IMMP1L: variants seen among roughly 807,000 people sequenced by gnomAD.
The protein encoded by IMMP1L is mitochondrial inner membrane protease subunit 1.
IMMP1L carries 24 observed loss-of-function variants against 21.8 expected under a neutral mutation model. That is an observed-to-expected ratio of 1.10 (90% CI 0.80 to 1.55). The LOEUF (loss-of-function observed/expected upper bound fraction) is 1.55, where lower values mean the gene tolerates loss of function less well. IMMP1L is among the 40% of genes most tolerant of loss of function. IMMP1L has a pLI of 0.00. For missense variants in IMMP1L, 195 were observed against 200.7 expected (o/e 0.97, Z 0.17); for synonymous variants, 46 against 62.8 (o/e 0.73, Z 1.26).
intron 4 of IMMP1L, among the ~76,000 whole-genome samples, chr11:31,436,175 ATTT>A (rs1213393081): frequency 6.6e-6 from 1 of 151,744 alleles, no homozygotes; most frequent in Non-Finnish European, 1.5e-5. Context: ...TTCCCAATCT[ATTT>A]TTTGTCTTTT....
At chr11:31,487,524 C>G (rs1229769677) in intron 1 of IMMP1L, among the ~76,000 whole-genome samples, 5 of 152,070 alleles carry the variant, frequency 3.3e-5, no homozygotes, top group Non-Finnish European at 7.4e-5. Flanking sequence ...ACATGAAGGT[C>G]CATGATAGGC....
chr11:31,437,052 T>C (rs536532132), intron 4 of IMMP1L: 4 of 363,210 alleles, frequency 1.1e-5, no homozygotes, highest in East Asian at 1.4e-4. Flanking sequence ...AAGATCTCTA[T>C]AAAACAAGAA....
At chr11:31,444,717 G>C (rs904029564) in intron 4 of IMMP1L, among the ~76,000 whole-genome samples, 3 of 151,786 alleles carry the variant, frequency 2.0e-5, no homozygotes. Flanking sequence ...AGCCTCAAGA[G>C]TAGCTGGGAT....
At chr11:31,500,230 C>T (rs1036068066) in intron 1 of IMMP1L, among the ~76,000 whole-genome samples, 1 of 151,992 alleles carries the variant, frequency 6.6e-6, no homozygotes, top group Non-Finnish European at 1.5e-5. Context: ...ACTCCAGTTA[C>T]TATATTATTC....
rs1369809424 is a variant in IMMP1L at position 31,471,380 on chromosome 11, T to C, written c.-29-8075A>G. 3.9e-5 allele frequency among the ~76,000 whole-genome samples: 6 copies of C among 152,202 alleles called. No individual in the cohort carries two copies. In the East Asian group the frequency reaches 9.6e-4, roughly 24 times the overall value. On this transcript the variant is annotated intron_variant, in intron 1 of 5. Coordinates refer to ENST00000532287, the MANE Select transcript of IMMP1L (RefSeq NM_001304274.2). The stretch of plus-strand genomic sequence containing the variant: ...GACCTCCGTGTATGGCCTCCAGGTA[T>C]GTCATGTATCCAGGACCTGTAAGTA...
At chr11:31,486,323 G>A (rs1235232802) in intron 1 of IMMP1L, among the ~76,000 whole-genome samples, 1 of 151,828 alleles carries the variant, frequency 6.6e-6, no homozygotes, top group Non-Finnish European at 1.5e-5. Context: ...CTAGTCCTTA[G>A]TTTCTTCATC....
chr11:31,447,896 C>A (rs1488848539), intron 4 of IMMP1L, among the ~76,000 whole-genome samples: 1 of 152,112 alleles, frequency 6.6e-6, no homozygotes. Flanking sequence ...TCACAAAAAC[C>A]TGTCAAATTT....
At chr11:31,435,494 G>A (rs967190717) in intron 4 of IMMP1L, among the ~76,000 whole-genome samples, 2 of 152,112 alleles carry the variant, frequency 1.3e-5, no homozygotes, top group Non-Finnish European at 2.9e-5. Context: ...AAAAATAACT[G>A]CGGTTTTTGC....
intron 4 of IMMP1L, among the ~76,000 whole-genome samples, chr11:31,445,241 A>G (rs1564971064): frequency 1.3e-5 from 2 of 152,212 alleles, no homozygotes; most frequent in Admixed American, 1.3e-4. Flanking sequence ...ACAGTTCTGA[A>G]CAGTAAATTA....
chr11:31,437,218 G>C, intron 4 of IMMP1L: 1 of 417,298 alleles, frequency 2.4e-6, no homozygotes, highest in South Asian at 1.7e-5. Context: ...ATATACACGA[G>C]ATATCCAGGG....
intron 1 of IMMP1L, among the ~76,000 whole-genome samples, chr11:31,484,750 T>C (rs1032713240): frequency 3.3e-5 from 5 of 151,654 alleles, no homozygotes; most frequent in Admixed American, 3.3e-4. Context: ...TGATTTATCC[T>C]GAAAAAAAGC....
At chr11:31,452,177 G>A (rs1953778703) in intron 4 of IMMP1L, 1 of 957,884 alleles carries the variant, frequency 1.0e-6, no homozygotes, top group Non-Finnish European at 1.2e-6. Flanking sequence ...ATAGGAGGAT[G>A]TGGTGTCATG....
chr11:31,494,090 C>A (rs1015134193), intron 1 of IMMP1L, among the ~76,000 whole-genome samples: 2 of 152,232 alleles, frequency 1.3e-5, no homozygotes, highest in Admixed American at 6.5e-5. Flanking sequence ...TCCACCAGGC[C>A]ATGCCCCAGT....
chr11:31,490,879 G>C (rs1417878997), intron 1 of IMMP1L, among the ~76,000 whole-genome samples: 1 of 152,150 alleles, frequency 6.6e-6, no homozygotes, highest in Admixed American at 6.5e-5. Context: ...GTCCTCATTA[G>C]AGACAGAAAA....
intron 4 of IMMP1L, among the ~76,000 whole-genome samples, chr11:31,443,316 G>A (rs1953402844): frequency 6.6e-6 from 1 of 152,138 alleles, no homozygotes; most frequent in Admixed American, 6.5e-5. Context: ...CCTTCCTATA[G>A]TGCCAGCAGA....
chr11:31,485,365 C>G (rs1305664615), intron 1 of IMMP1L, among the ~76,000 whole-genome samples: 1 of 151,772 alleles, frequency 6.6e-6, no homozygotes, highest in Admixed American at 6.6e-5. Flanking sequence ...AATAATCCTA[C>G]AACTGTTTAG....
At chr11:31,443,495 A>G (rs1953408053) in intron 4 of IMMP1L, among the ~76,000 whole-genome samples, 1 of 152,168 alleles carries the variant, frequency 6.6e-6, no homozygotes, top group Admixed American at 6.5e-5. Context: ...GAACAGTTTT[A>G]CTTATTTTCA....
intron 1 of IMMP1L, among the ~76,000 whole-genome samples, chr11:31,503,146 A>G (rs1458915632): frequency 6.6e-6 from 1 of 152,236 alleles, no homozygotes; most frequent in African/African-American, 2.4e-5. Context: ...TCAGTATTTC[A>G]GTACTTTCAA....
At chr11:31,462,913 T>C (rs1177617771) in intron 2 of IMMP1L, among the ~76,000 whole-genome samples, 1 of 152,192 alleles carries the variant, frequency 6.6e-6, no homozygotes, top group Non-Finnish European at 1.5e-5. Flanking sequence ...ATTATTGTTA[T>C]ACTATTCAAA....
Sources: allele counts gnomAD v4.1 joint callset (sites outside exome capture counted in the v4.1 genomes callset), GRCh38; gene constraint gnomAD v4.1.1; transcripts MANE v1.5; gene names NCBI Gene and HGNC (gene_info 2026-07-23, HGNC 2026-07-21).